Variants in CNGB1 observed in about 807,000 individuals in gnomAD.
CNGB1 encodes the protein cyclic nucleotide-gated channel beta-1.
Under a neutral mutation model 151.7 loss-of-function variants are expected in CNGB1, and 126 were observed. The observed-to-expected ratio is 0.83, with a 90% CI of 0.72 to 0.96. The LOEUF is 0.96. Among genes scored for constraint, CNGB1 ranks in the 40% least tolerant of loss-of-function variants. CNGB1 has a pLI of 0.00. For missense variants in CNGB1, 1,698 were observed against 1,627.0 expected (o/e 1.04, Z -0.75); for synonymous variants, 623 against 635.1 (o/e 0.98, Z 0.29).
At chr16:57,918,988 T>C in intron 20 of CNGB1, 111 bp downstream of exon 20, 2 of 1,562,194 alleles carry the variant, frequency 1.3e-6, no homozygotes, top group Non-Finnish European at 1.7e-6. Context: ...ACCCAGGTTG[T>C]CTGTGGCCTC....
At chr16:57,912,501 G>A (rs1392006510) in intron 24 of CNGB1, among the ~76,000 whole-genome samples, 1 of 152,160 alleles carries the variant, frequency 6.6e-6, no homozygotes, top group African/African-American at 2.4e-5. Flanking sequence ...GGCTTCCAGT[G>A]GAGACGGGGC....
chr16:57,888,272 A>T (rs1318841751), intron 31 of CNGB1, among the ~76,000 whole-genome samples, 198 bp from the exon 32 acceptor site: 1 of 152,168 alleles, frequency 6.6e-6, no homozygotes, highest in East Asian at 1.9e-4. Flanking sequence ...AACAACTGTA[A>T]TGAGGTGGGT....
rs534598903 is a variant in CNGB1, at chr16:57,897,332, T to C, written c.3242+65A>G. The stretch of plus-strand genomic sequence containing the variant: ...AAAAAAAAAAAAGATAAAGGTACTG[T>C]GGTTATGTAAGAGAAATTCATTGTC... On this transcript the variant is annotated intron_variant, in intron 31 of 32. Transcript: ENST00000251102. 26 of 1,429,628 alleles carry C rather than the reference T, an allele frequency of 1.8e-5. No individual in the cohort carries two copies. The South Asian group carries it at 2.3e-4, about 13-fold the overall frequency. The allele number at this position is 1,429,628 out of a possible 1,614,324, so 88.6% of individuals were successfully genotyped here. A position where few individuals can be genotyped will look rare whatever the true frequency, so the allele number is the denominator to read the frequency against.
intron 12 of CNGB1, among the ~76,000 whole-genome samples, chr16:57,954,053 T>C (rs1391466855): frequency 6.6e-6 from 1 of 152,186 alleles, no homozygotes; most frequent in Non-Finnish European, 1.5e-5. Context: ...GTAATCTTTC[T>C]GAAGTCACTC....
At chr16:57,920,712 C>T (rs1961009471) in intron 18 of CNGB1, among the ~76,000 whole-genome samples, 168 bp from the exon 19 acceptor site, 1 of 152,220 alleles carries the variant, frequency 6.6e-6, no homozygotes, top group African/African-American at 2.4e-5. Context: ...ACCGTAATCA[C>T]CTAGAAGGAA....
intron 25 of CNGB1, among the ~76,000 whole-genome samples, chr16:57,908,992 A>G (rs1960634656): frequency 6.6e-6 from 1 of 152,204 alleles, no homozygotes; most frequent in Admixed American, 6.5e-5. Flanking sequence ...ATCCAGCCTT[A>G]AAATGAGGTG....
rs1474580258 is a variant in CNGB1 at position 57,960,853 on chromosome 16, G to A, written c.521C>T (p.Pro174Leu). 5 of 1,613,800 alleles carry A rather than the reference G, an allele frequency of 3.1e-6. No homozygotes were observed. The African/African-American group carries it at 5.3e-5, about 17-fold the overall frequency. Reference sequence around the variant, plus strand: ...TCCTTGGCTCACCTCAGAGGATTTGGGGGGCTGAGGAAGCACTCTTTCCAG... The same window carrying A: ...TCCTTGGCTCACCTCAGAGGATTTGAGGGGCTGAGGAAGCACTCTTTCCAG... ...QNLERVLPQPPKSSEVWRDEP... is the reference protein window; with the variant it reads ...QNLERVLPQPLKSSEVWRDEP... Residue 174 changes from proline (P) to leucine (L), a missense_variant, in exon 8 of 33, where the codon CCC becomes CTC. Physicochemically the swap from Pro to Leu is moderately conservative, Grantham distance 98. Transcript: ENST00000251102.
intron 16 of CNGB1, among the ~76,000 whole-genome samples, chr16:57,938,935 CA>C (rs1165914234): frequency 2.0e-5 from 3 of 152,156 alleles, no homozygotes; most frequent in African/African-American, 7.2e-5. Flanking sequence ...AGGAAAAGCT[CA>C]TAAAGAGACA....
intron 12 of CNGB1, among the ~76,000 whole-genome samples, chr16:57,953,246 C>T (rs1022110059): frequency 3.3e-5 from 5 of 152,138 alleles, no homozygotes; most frequent in East Asian, 3.9e-4. Context: ...CCTGTAATCC[C>T]GGCACTTTGG....
chr16:57,945,355 A>G (rs1961780709), intron 14 of CNGB1, among the ~76,000 whole-genome samples: 1 of 152,210 alleles, frequency 6.6e-6, no homozygotes, highest in African/African-American at 2.4e-5. Flanking sequence ...CTCTCTGCCT[A>G]CAGCACAAGG....
In CNGB1 at chr16:57,958,489, C is replaced by A. The variant is rs555762663; in HGVS notation, c.762-4G>T. 106 of 1,613,722 alleles carry A rather than the reference C, an allele frequency of 6.6e-5. No homozygotes were observed. In the South Asian group the frequency reaches 1.1e-3, roughly 16 times the overall value. ...GTGCAGGACCCATGCCACCAGCCTG[C>A]AGGTGGGAGAGAGTGTGCGGTGTCC... is the stretch of plus-strand genomic sequence containing the variant. On this transcript the variant is annotated splice_region_variant and splice_polypyrimidine_tract_variant and intron_variant, in intron 10 of 32. Transcript: ENST00000251102.
chr16:57,887,863 C>T lies in CNGB1; in HGVS notation c.3454G>A (p.Val1152Met). 2 of 1,614,146 alleles carry T rather than the reference C, an allele frequency of 1.2e-6. No homozygotes were observed. The highest frequency in any genetic ancestry group is 1.3e-5 in the African/African-American group (1 of 75,040). Reference sequence around the variant, plus strand: ...GTTCCCAACCACATTACCTGTTCCACCAACTCTTGCTGCTTTGCAGCCGCC... The same window carrying T: ...GTTCCCAACCACATTACCTGTTCCATCAACTCTTGCTGCTTTGCAGCCGCC... ...LEAAAKQQEL[V>M]EQAKSSQDVK... is the part of the protein sequence containing the mutation. Residue 1152 changes from valine to methionine, a missense_variant, in exon 32 of 33, where the codon GTG (valine) becomes ATG (methionine). Transcript: ENST00000251102.
intron 25 of CNGB1, among the ~76,000 whole-genome samples, chr16:57,908,078 A>AG (rs1437389964): frequency 6.0e-5 from 9 of 149,494 alleles, no homozygotes; most frequent in African/African-American, 1.3e-4. Context: ...TTTTGTAGAG[A>AG]GGGGGTCTCC....
intron 14 of CNGB1, among the ~76,000 whole-genome samples, chr16:57,942,013 G>A (rs1428525197): frequency 6.6e-6 from 1 of 151,882 alleles, no homozygotes; most frequent in East Asian, 1.9e-4. Flanking sequence ...CACCACTCCT[G>A]GCTATTTTTG....
intron 32 of CNGB1, among the ~76,000 whole-genome samples, chr16:57,887,279 C>T (rs2149351479): frequency 6.6e-6 from 1 of 152,224 alleles, no homozygotes; most frequent in East Asian, 1.9e-4. Context: ...TCTCCTCTAA[C>T]CTCTGCAACA....
At chr16:57,949,530 G>A (rs1198918067) in intron 13 of CNGB1, 91 bp from the exon 14 acceptor site, 1 of 1,594,326 alleles carries the variant, frequency 6.3e-7, no homozygotes, top group Non-Finnish European at 8.5e-7. Flanking sequence ...GATGTCCCAT[G>A]ACACCTGAGC....
chr16:57,964,083 G>T, intron 4 of CNGB1, 47 bp downstream of exon 4: 1 of 1,584,144 alleles, frequency 6.3e-7, no homozygotes, highest in Non-Finnish European at 8.7e-7. Flanking sequence ...TGGGAGGGTA[G>T]TTGGGAGGCG....
chr16:57,904,988 CT>C, intron 25 of CNGB1, 113 bp from the exon 26 acceptor site: 1 of 1,356,024 alleles, frequency 7.4e-7, no homozygotes, highest in Non-Finnish European at 1.0e-6. Context: ...GACAGAAACC[CT>C]TTACAGCTCA....
At chr16:57,926,324 C>T (rs7200641) in intron 17 of CNGB1, among the ~76,000 whole-genome samples, 7,811 of 152,234 alleles carry the variant, frequency 0.051, 681 homozygotes, top group African/African-American at 0.18. Flanking sequence ...GGGCAGGGGT[C>T]ACTGAGGCCA....
Sources: gnomAD v4.1 joint callset for allele counts (sites outside exome capture counted in the v4.1 genomes callset) on GRCh38, gnomAD v4.1.1 for gene constraint, MANE v1.5 for transcripts, NCBI Gene and HGNC (gene_info 2026-07-23, HGNC 2026-07-21) for gene names.